CCSER1: variants seen among roughly 807,000 people sequenced by gnomAD.
CCSER1 encodes coiled-coil serine rich protein 1.
CCSER1 carries 41 observed loss-of-function variants against 82.0 expected under a neutral mutation model. The ratio of observed to expected loss-of-function variants is 0.50; its 90% confidence interval spans 0.39 to 0.65. The LOEUF (loss-of-function observed/expected upper bound fraction) is 0.65, where lower values mean the gene tolerates loss of function less well. Ranked by LOEUF, CCSER1 falls within the 30% of genes least tolerant of loss-of-function variation. CCSER1 has a pLI of 0.00. For synonymous variants in CCSER1, 414 were observed against 383.9 expected (o/e 1.08, Z -0.92); for missense variants, 1,119 against 1,064.2 (o/e 1.05, Z -0.72).
intron 3 of CCSER1, among the ~76,000 whole-genome samples, chr4:90,337,926 C>A (rs1740710854): frequency 6.6e-6 from 1 of 152,056 alleles, no homozygotes; most frequent in African/African-American, 2.4e-5. Flanking sequence ...CAATCTGGTG[C>A]AATATGTTGT....
intron 10 of CCSER1, among the ~76,000 whole-genome samples, chr4:91,435,603 T>G (rs1452870067): frequency 1.3e-5 from 2 of 152,226 alleles, no homozygotes; most frequent in Admixed American, 6.5e-5. Context: ...TTAAAGCATG[T>G]GTAGTATTAA....
Position 90,149,011 on chromosome 4 carries a change from T to G in CCSER1, c.-42+21180T>G, listed in dbSNP as rs545934115. On this transcript the variant is annotated intron_variant, in intron 1 of 10. Coordinates refer to ENST00000509176, the MANE Select transcript of CCSER1 (RefSeq NM_001145065.2). ...AAGGCACTTTGGCTTTGTTAGAATT[T>G]TATCAGTGTTTCTTATGACATCTAT... is the stretch of plus-strand genomic sequence containing the variant. 3.9e-5 allele frequency among the ~76,000 whole-genome samples: 6 copies of G among 152,264 alleles called. No homozygotes were observed. In the East Asian group the frequency reaches 1.2e-3, roughly 29 times the overall value.
chr4:90,776,727 C>A (rs1002471376), intron 7 of CCSER1, among the ~76,000 whole-genome samples: 3 of 152,144 alleles, frequency 2.0e-5, no homozygotes, highest in African/African-American at 7.2e-5. Flanking sequence ...ATTAAATAAG[C>A]ACTAATATTT....
intron 3 of CCSER1, among the ~76,000 whole-genome samples, chr4:90,314,744 G>A (rs572765342): frequency 6.6e-6 from 1 of 150,626 alleles, no homozygotes; most frequent in Admixed American, 6.6e-5. Context: ...GCAAGACCTG[G>A]TCTCGATAAG....
intron 1 of CCSER1, among the ~76,000 whole-genome samples, chr4:90,190,231 C>CA (rs1450835218): frequency 6.6e-6 from 1 of 151,882 alleles, no homozygotes; most frequent in African/African-American, 2.4e-5. Flanking sequence ...GGAGTCCTCC[C>CA]AAAAAATAAA....
chr4:90,297,032 A>G (rs1166547846), intron 1 of CCSER1, among the ~76,000 whole-genome samples: 1 of 152,158 alleles, frequency 6.6e-6, no homozygotes, highest in African/African-American at 2.4e-5. Flanking sequence ...CTGTGAAGAA[A>G]GTCAGTGGTA....
chr4:90,702,602 C>T (rs6833948), intron 6 of CCSER1, among the ~76,000 whole-genome samples: 8,748 of 151,940 alleles, frequency 0.058, 357 homozygotes, highest in Admixed American at 0.11. Context: ...TGTCTGGTCC[C>T]GTACTTTTTT....
intron 1 of CCSER1, among the ~76,000 whole-genome samples, chr4:90,171,293 A>G (rs550132758): frequency 6.6e-6 from 1 of 152,002 alleles, no homozygotes; most frequent in African/African-American, 2.4e-5. Context: ...AGGGTTTGTC[A>G]AACTAAAATC....
intron 4 of CCSER1, among the ~76,000 whole-genome samples, chr4:90,438,972 G>T (rs1393610815): frequency 6.6e-6 from 1 of 152,024 alleles, no homozygotes; most frequent in Non-Finnish European, 1.5e-5. Flanking sequence ...TTTAAAACTG[G>T]CATGCTATTA....
chr4:90,422,648 GA>G (rs575094496), intron 4 of CCSER1, among the ~76,000 whole-genome samples: 6 of 148,858 alleles, frequency 4.0e-5, no homozygotes, highest in Non-Finnish European at 8.9e-5. Context: ...TTCGAAAACA[GA>G]AAAAAAAACA....
At chr4:91,559,899 G>A (rs1762576686) in intron 10 of CCSER1, among the ~76,000 whole-genome samples, 2 of 151,040 alleles carry the variant, frequency 1.3e-5, no homozygotes, top group African/African-American at 2.4e-5. Flanking sequence ...GGGTGTCATT[G>A]GTAAATGTAA....
chr4:90,718,202 A>G (rs1045507464), intron 6 of CCSER1, among the ~76,000 whole-genome samples: 6 of 152,120 alleles, frequency 3.9e-5, no homozygotes, highest in African/African-American at 1.4e-4. Context: ...CACATTTAAA[A>G]GGGGGAAATT....
At chr4:91,535,723 A>T (rs1761265800) in intron 10 of CCSER1, among the ~76,000 whole-genome samples, 1 of 152,150 alleles carries the variant, frequency 6.6e-6, no homozygotes, top group Non-Finnish European at 1.5e-5. Context: ...TTGTCTTCTA[A>T]GAAGTGAATG....
At chr4:90,637,831 C>T (rs531643688) in intron 6 of CCSER1, among the ~76,000 whole-genome samples, 1 of 152,138 alleles carries the variant, frequency 6.6e-6, no homozygotes, top group South Asian at 2.1e-4. Flanking sequence ...ACATGTTTTG[C>T]AGCAGAATAG....
chr4:90,781,891 T>G (rs1753824705), intron 7 of CCSER1: 1 of 926,238 alleles, frequency 1.1e-6, no homozygotes. Flanking sequence ...ATGATTGTGA[T>G]GTACCTTACA....
At chr4:90,641,570 T>A (rs1244786460) in intron 6 of CCSER1, among the ~76,000 whole-genome samples, 2 of 152,136 alleles carry the variant, frequency 1.3e-5, no homozygotes, top group Non-Finnish European at 2.9e-5. Context: ...GCAACATTAC[T>A]CCCCACAACC....
chr4:91,233,021 A>G (rs965951978), intron 10 of CCSER1, among the ~76,000 whole-genome samples: 6 of 151,850 alleles, frequency 4.0e-5, no homozygotes, highest in African/African-American at 1.4e-4. Context: ...ACTCTTAGCT[A>G]CTTAGGATTG....
At chr4:91,304,585 C>A (rs1744904717) in intron 10 of CCSER1, among the ~76,000 whole-genome samples, 1 of 152,150 alleles carries the variant, frequency 6.6e-6, no homozygotes, top group African/African-American at 2.4e-5. Context: ...CATTTTCACA[C>A]ATCACATACG....
At chr4:90,734,897 C>T (rs1398302011) in intron 7 of CCSER1, among the ~76,000 whole-genome samples, 1 of 152,088 alleles carries the variant, frequency 6.6e-6, no homozygotes, top group Non-Finnish European at 1.5e-5. Flanking sequence ...TGTTTTGTTC[C>T]AAATCTTAGA....
Sources: gnomAD v4.1 joint callset for allele counts (sites outside exome capture counted in the v4.1 genomes callset) on GRCh38, gnomAD v4.1.1 for gene constraint, MANE v1.5 for transcripts, NCBI Gene and HGNC (gene_info 2026-07-23, HGNC 2026-07-21) for gene names.